STAG1: variants seen among roughly 807,000 people sequenced by gnomAD.
The protein encoded by STAG1 is STAG1 cohesin complex component.
Under a neutral mutation model 170.9 loss-of-function variants are expected in STAG1, and 26 were observed. The ratio of observed to expected loss-of-function variants is 0.15; its 90% CI spans 0.11 to 0.21. STAG1 has a LOEUF of 0.21. STAG1 is among the 10% of genes least tolerant of loss of function. STAG1 has a pLI of 1.00. For synonymous variants in STAG1, 514 were observed against 497.7 expected, an observed-to-expected ratio of 1.03 and a Z score of -0.44; for missense variants, 964 against 1,509.5, an observed-to-expected ratio of 0.64 and a Z score of 5.99.
chr3:136,448,759 C>T (rs1295553179), intron 14 of STAG1, among the ~76,000 whole-genome samples: 2 of 151,938 alleles, frequency 1.3e-5, no homozygotes, highest in Admixed American at 6.6e-5. Flanking sequence ...GCCAACATGG[C>T]GAAACTCCAT....
chr3:136,587,261 C>T (rs569419718), intron 4 of STAG1, among the ~76,000 whole-genome samples: 74 of 152,026 alleles, frequency 4.9e-4, no homozygotes, highest in Non-Finnish European at 3.1e-4. Flanking sequence ...AATTTGAGGC[C>T]GGACCTGATG....
intron 5 of STAG1, among the ~76,000 whole-genome samples, chr3:136,563,239 A>G (rs1936914981): frequency 6.6e-6 from 1 of 152,016 alleles, no homozygotes; most frequent in African/African-American, 2.4e-5. Flanking sequence ...CTTCTCCCCG[A>G]CCCCACTAGT....
At chr3:136,465,058 T>G in intron 12 of STAG1, 70 bp from the exon 13 acceptor site, 2 of 1,172,440 alleles carry the variant, frequency 1.7e-6, no homozygotes, top group Non-Finnish European at 2.4e-6. Context: ...TTATTTAAAC[T>G]TGCTAAAGTT....
intron 4 of STAG1, among the ~76,000 whole-genome samples, chr3:136,585,000 G>A (rs903958686): frequency 2.0e-5 from 3 of 152,198 alleles, no homozygotes; most frequent in African/African-American, 7.2e-5. Context: ...TTGCTGAAGA[G>A]TAAATTTAGA....
chr3:136,646,835 C>G (rs1941037192), intron 1 of STAG1, among the ~76,000 whole-genome samples: 1 of 151,782 alleles, frequency 6.6e-6, no homozygotes, highest in Non-Finnish European at 1.5e-5. Flanking sequence ...GAACTGGGAC[C>G]CAGGAGGTGG....
Position 136,357,709 on chromosome 3 carries a change from G to A in STAG1, c.3065+11C>T. The A allele has an allele frequency of 6.3e-7, 1 of 1,580,420 alleles. No homozygotes were observed. The highest frequency in any genetic ancestry group is 2.1e-5 in the Admixed American group (1 of 47,948). On this transcript the variant is annotated intron_variant, in intron 28 of 33. Coordinates refer to ENST00000383202, the MANE Select transcript of STAG1 (RefSeq NM_005862.3). ...TTATAAAAACCACTTCTCTTGTAATGTGCAACTTACACTGTCTTTTTGTCC... is the reference window on the plus strand; with the variant it reads ...TTATAAAAACCACTTCTCTTGTAATATGCAACTTACACTGTCTTTTTGTCC...
At chr3:136,556,543 C>T (rs781533680) in intron 5 of STAG1, among the ~76,000 whole-genome samples, 4 of 151,932 alleles carry the variant, frequency 2.6e-5, no homozygotes, top group Non-Finnish European at 2.9e-5. Context: ...AAAACTCCGA[C>T]GAGTTTGCTG....
intron 3 of STAG1, among the ~76,000 whole-genome samples, chr3:136,618,018 A>G (rs1013073892): frequency 6.6e-6 from 1 of 152,158 alleles, no homozygotes; most frequent in Non-Finnish European, 1.5e-5. Flanking sequence ...AAAAATAAAA[A>G]CTGTATCTTT....
At chr3:136,588,515 T>A (rs1937961844) in intron 4 of STAG1, among the ~76,000 whole-genome samples, 1 of 152,256 alleles carries the variant, frequency 6.6e-6, no homozygotes, top group South Asian at 2.1e-4. Flanking sequence ...AATTTTTGTA[T>A]TTTTAGTAGA....
intron 29 of STAG1, among the ~76,000 whole-genome samples, chr3:136,347,056 GCGACA>G (rs1936250171): frequency 6.7e-6 from 1 of 150,264 alleles, no homozygotes; most frequent in Admixed American, 6.6e-5. Flanking sequence ...CCCAGCCTGG[GCGACA>G]GAGTGAGACC....
chr3:136,579,557 G>C (rs1576628529), intron 4 of STAG1, among the ~76,000 whole-genome samples: 1 of 152,240 alleles, frequency 6.6e-6, no homozygotes, highest in Non-Finnish European at 1.5e-5. Context: ...CTAATGGCTA[G>C]AGACAAACCT....
chr3:136,538,007 AATT>A (rs1241891258), intron 6 of STAG1, among the ~76,000 whole-genome samples: 2 of 152,168 alleles, frequency 1.3e-5, no homozygotes, highest in African/African-American at 4.8e-5. Flanking sequence ...GAAAACTTTA[AATT>A]ATTATTAAGA....
At chr3:136,435,938 G>T (rs1204734244) in intron 15 of STAG1, among the ~76,000 whole-genome samples, 2 of 152,046 alleles carry the variant, frequency 1.3e-5, no homozygotes, top group African/African-American at 4.8e-5. Context: ...AAAGCACGGG[G>T]ATTACAGGTG....
At chr3:136,568,949 GT>G in intron 4 of STAG1, 88 bp from the exon 5 acceptor site, 1 of 917,998 alleles carries the variant, frequency 1.1e-6, no homozygotes, top group Non-Finnish European at 1.7e-6. Context: ...GTGTTTGTGT[GT>G]GTTTCTATCT....
chr3:136,450,274 G>A (rs1357459137), intron 14 of STAG1, among the ~76,000 whole-genome samples: 1 of 152,128 alleles, frequency 6.6e-6, no homozygotes, highest in Non-Finnish European at 1.5e-5. Context: ...CTTGGAGACT[G>A]TTAGAAATGC....
intron 13 of STAG1, among the ~76,000 whole-genome samples, chr3:136,458,326 T>C (rs2089177317): frequency 6.6e-6 from 1 of 152,162 alleles, no homozygotes; most frequent in South Asian, 2.1e-4. Context: ...CTGGCTGATT[T>C]TTATATTTTT....
At chr3:136,396,209 G>GTTTTTTTTTTTT (rs1157402968) in intron 22 of STAG1, among the ~76,000 whole-genome samples, 2 of 87,952 alleles carry the variant, frequency 2.3e-5, no homozygotes, top group South Asian at 4.5e-4. Context: ...GTGTAACACA[G>GTTTTTTTTTTTT]TTTTTTTTTT....
chr3:136,736,406 G>C (rs548536548), intron 1 of STAG1: 1 of 904,648 alleles, frequency 1.1e-6, no homozygotes, highest in African/African-American at 1.7e-5. Context: ...ACTCTATGTT[G>C]GGGTGGAAGT....
At chr3:136,516,949 T>C (rs879582834) in intron 7 of STAG1, among the ~76,000 whole-genome samples, 1 of 152,192 alleles carries the variant, frequency 6.6e-6, no homozygotes, top group Non-Finnish European at 1.5e-5. Context: ...TTTCAGCAAC[T>C]GAAGGCCAAA....
Sources: allele counts gnomAD v4.1 joint callset (sites outside exome capture counted in the v4.1 genomes callset), GRCh38; gene constraint gnomAD v4.1.1; transcripts MANE v1.5; gene names NCBI Gene and HGNC (gene_info 2026-07-23, HGNC 2026-07-21).